SCN8A: variants seen among roughly 807,000 people sequenced by gnomAD.
The protein encoded by SCN8A is sodium voltage-gated channel alpha subunit 8.
SCN8A carries 30 observed loss-of-function variants against 184.1 expected under a neutral mutation model. The observed-to-expected ratio is 0.16, with a 90% CI of 0.12 to 0.22. The LOEUF (loss-of-function observed/expected upper bound fraction) is 0.22, where lower values mean the gene tolerates loss of function less well. SCN8A is among the 10% of genes least tolerant of loss of function. The pLI is 1.00. For synonymous variants in SCN8A, 852 were observed against 907.0 expected, an observed-to-expected ratio of 0.94 and a Z score of 1.09; for missense variants, 1,057 against 2,498.9, an observed-to-expected ratio of 0.42 and a Z score of 12.30.
At chr12:51,692,587 C>G (rs1941530220) in intron 6 of SCN8A, among the ~76,000 whole-genome samples, 1 of 152,194 alleles carries the variant, frequency 6.6e-6, no homozygotes, top group East Asian at 1.9e-4. Flanking sequence ...AGAGGAGACC[C>G]TTTCTAAATT....
At chr12:51,787,896 C>T (rs1331123993) in intron 22 of SCN8A, among the ~76,000 whole-genome samples, 2 of 152,118 alleles carry the variant, frequency 1.3e-5, no homozygotes, top group Non-Finnish European at 1.5e-5. Flanking sequence ...AAATTGAATC[C>T]GCATTGGAGC....
intron 1 of SCN8A, among the ~76,000 whole-genome samples, chr12:51,629,582 CAAAAAAAAAA>C (rs71092711): frequency 2.7e-4 from 35 of 129,466 alleles, no homozygotes; most frequent in Admixed American, 6.2e-4. Context: ...ATCAGTTTTG[CAAAAAAAAAA>C]AAAAAAAAAA....
At chr12:51,757,510 G>A (rs1478310318) in intron 14 of SCN8A, among the ~76,000 whole-genome samples, 1 of 152,164 alleles carries the variant, frequency 6.6e-6, no homozygotes, top group Non-Finnish European at 1.5e-5. Context: ...GCTGAAGGAG[G>A]TGTGTGACTT....
At chr12:51,735,330 C>T (rs1230287094) in intron 12 of SCN8A, among the ~76,000 whole-genome samples, 1 of 152,202 alleles carries the variant, frequency 6.6e-6, no homozygotes, top group Admixed American at 6.5e-5. Flanking sequence ...CGTTGTGCAG[C>T]ACCTCTGCCT....
intron 1 of SCN8A, among the ~76,000 whole-genome samples, chr12:51,646,200 G>C (rs908775166): frequency 6.6e-6 from 1 of 151,982 alleles, no homozygotes; most frequent in Non-Finnish European, 1.5e-5. Flanking sequence ...AGACTGAAAA[G>C]GAATGAAACT....
chr12:51,749,373 A>G (rs970781979), intron 13 of SCN8A, among the ~76,000 whole-genome samples: 4 of 152,200 alleles, frequency 2.6e-5, no homozygotes, highest in Non-Finnish European at 2.9e-5. Flanking sequence ...AATTGTGTCA[A>G]CTGTCATAAA....
At chr12:51,798,856 C>T (rs889045233) in intron 26 of SCN8A, among the ~76,000 whole-genome samples, 9 of 152,228 alleles carry the variant, frequency 5.9e-5, no homozygotes, top group Admixed American at 5.2e-4. Context: ...ACCAATCATG[C>T]TTCTTTGAAG....
intron 20 of SCN8A, among the ~76,000 whole-genome samples, chr12:51,779,574 G>A (rs1285187939): frequency 1.3e-5 from 2 of 152,162 alleles, no homozygotes; most frequent in African/African-American, 4.8e-5. Context: ...GACGTGACCT[G>A]TCTGTGGAAG....
intron 1 of SCN8A, among the ~76,000 whole-genome samples, chr12:51,608,288 G>A (rs1939642642): frequency 6.6e-6 from 1 of 152,058 alleles, no homozygotes; most frequent in African/African-American, 2.4e-5. Flanking sequence ...GGGATTACAG[G>A]CGTGAGCCAC....
chr12:51,647,665 A>G (rs1325813908), intron 1 of SCN8A, among the ~76,000 whole-genome samples: 3 of 152,224 alleles, frequency 2.0e-5, no homozygotes, highest in African/African-American at 7.2e-5. Flanking sequence ...GCTTTGACAA[A>G]ATTGTTTTTA....
chr12:51,646,719 A>C (rs1940597010), intron 1 of SCN8A, among the ~76,000 whole-genome samples: 1 of 152,240 alleles, frequency 6.6e-6, no homozygotes, highest in Non-Finnish European at 1.5e-5. Flanking sequence ...TGTTTGCGAT[A>C]TAAAGGGAAA....
At chr12:51,699,862 C>T (rs1458309810) in intron 7 of SCN8A, 71 bp downstream of exon 7, 15 of 1,384,364 alleles carry the variant, frequency 1.1e-5, no homozygotes, top group East Asian at 4.9e-5. Context: ...GAAGCTACCA[C>T]AGGGCTTAAA....
intron 12 of SCN8A, among the ~76,000 whole-genome samples, chr12:51,744,314 AAACCTTAGAGATTTGCCTGATGTTCT>A (rs1942474105): frequency 6.6e-6 from 1 of 152,146 alleles, no homozygotes; most frequent in Non-Finnish European, 1.5e-5. Flanking sequence ...CAAAAACAAA[AAACCTTAGAGATTTGCCTGATGTTCT>A]ATTCTGCAGC....
intron 12 of SCN8A, among the ~76,000 whole-genome samples, chr12:51,743,527 A>G (rs999614132): frequency 6.6e-6 from 1 of 152,128 alleles, no homozygotes; most frequent in Non-Finnish European, 1.5e-5. Context: ...TCCCAAACAA[A>G]TGGAGTCTCT....
intron 1 of SCN8A, among the ~76,000 whole-genome samples, chr12:51,618,685 C>A (rs1159704873): frequency 6.6e-6 from 1 of 152,008 alleles, no homozygotes; most frequent in African/African-American, 2.4e-5. Context: ...GGGCTTACTT[C>A]ATCTTATCTG....
intron 1 of SCN8A, among the ~76,000 whole-genome samples, chr12:51,623,614 C>T (rs1440470709): frequency 2.0e-5 from 3 of 151,666 alleles, no homozygotes; most frequent in Non-Finnish European, 1.5e-5. Context: ...ACACTATTTT[C>T]TTTTTTTTTA....
At chr12:51,775,615 TGTACCCCCCAC>T (rs1937667630) in intron 20 of SCN8A, among the ~76,000 whole-genome samples, 1 of 152,216 alleles carries the variant, frequency 6.6e-6, no homozygotes, top group Admixed American at 6.5e-5. Context: ...TGGAAGGACC[TGTACCCCCCAC>T]AGACAGAAAG....
chr12:51,760,574 T>G (rs997314173), intron 14 of SCN8A, among the ~76,000 whole-genome samples: 4 of 152,226 alleles, frequency 2.6e-5, no homozygotes, highest in African/African-American at 9.6e-5. Flanking sequence ...AAGTCTCTAC[T>G]TAGTGTGTGT....
At chr12:51,708,061 G>A (rs1941814154) in intron 11 of SCN8A, among the ~76,000 whole-genome samples, 2 of 152,278 alleles carry the variant, frequency 1.3e-5, no homozygotes, top group South Asian at 2.1e-4. Context: ...GACTTGCTTG[G>A]CAGTAAAGTA....
Sources: gnomAD v4.1 joint callset for allele counts (sites outside exome capture counted in the v4.1 genomes callset) on GRCh38, gnomAD v4.1.1 for gene constraint, MANE v1.5 for transcripts, NCBI Gene and HGNC (gene_info 2026-07-23, HGNC 2026-07-21) for gene names.